GDAP2: variants seen among roughly 807,000 people sequenced by gnomAD.
GDAP2 encodes the protein ganglioside-induced differentiation-associated protein 2.
In GDAP2, 51 loss-of-function variants were observed where a neutral mutation model predicts 67.0. That is an observed-to-expected ratio of 0.76 (90% confidence interval 0.61 to 0.96). The LOEUF (loss-of-function observed/expected upper bound fraction) is 0.96. GDAP2 is among the 40% of genes least tolerant of loss of function. GDAP2 has a pLI of 0.00. For synonymous variants in GDAP2, 203 were observed against 207.3 expected, an observed-to-expected ratio of 0.98 and a Z score of 0.18; for missense variants, 547 against 588.3, an observed-to-expected ratio of 0.93 and a Z score of 0.73.
intron 1 of GDAP2, among the ~76,000 whole-genome samples, chr1:117,927,924 A>G (rs1019790997): frequency 5.3e-5 from 8 of 152,234 alleles, no homozygotes; most frequent in Admixed American, 5.2e-4. Flanking sequence ...AAACTTAAAT[A>G]AGGAAGTAGA....
At position 117,899,088 on chromosome 1, in the gene GDAP2, A is replaced by G; in HGVS notation, c.765T>C (p.Ile255=). ...GAGCACCAGGTTTCTCACTTATTCT[A>G]ATCTGTCGTTCAGGTACCACAGGCT... ...EGEPVVPERQ[I]RISEKPGAPE... The change falls in exon 7 of 14, where the codon ATT becomes ATC. Residue 255 remains isoleucine (I), a synonymous_variant. Transcript: ENST00000369443. The G allele has an allele frequency of 2.5e-6, 4 of 1,613,524 alleles. No individual in the cohort carries two copies. Among genetic ancestry groups the G allele is most frequent in the Non-Finnish European group, 3.4e-6 (4 of 1,179,548 alleles).
Position 117,887,746 on chromosome 1 carries a change from A to C in GDAP2, c.982T>G (p.Ser328Ala), listed in dbSNP as rs999706690. The change falls in exon 9 of 14, where the codon TCT (serine) becomes GCT (alanine). Residue 328 changes from serine to alanine, a missense_variant. Physicochemically the swap from Ser to Ala is moderately conservative, Grantham distance 99 (BLOSUM62 1). Coordinates refer to ENST00000369443, the MANE Select transcript of GDAP2 (RefSeq NM_017686.4). ...NYNRWLCQAR[S>A]EDLSDIASLK... The stretch of plus-strand genomic sequence containing the variant: ...GAAGCAATATCAGACAGATCCTCAG[A>C]TCTTGCTTGACATAACCAGCGATTA... 2.9e-5 allele frequency: 45 copies of C among 1,577,860 alleles called. No homozygotes were observed. Among genetic ancestry groups the C allele is most frequent in the Non-Finnish European group, 3.8e-5 (44 of 1,147,750 alleles).
Position 117,869,467 on chromosome 1 carries a change from C to T in GDAP2, c.*1102G>A, listed in dbSNP as rs1388524464. 3 of 152,648 alleles carry T rather than the reference C, an allele frequency of 2.0e-5. No homozygotes were observed. Among genetic ancestry groups the T allele is most frequent in the Non-Finnish European group, 2.9e-5 (2 of 68,008 alleles). 9.5% of individuals were successfully genotyped at this position (152,648 alleles called of 1,614,324 possible). Reference sequence around the variant, plus strand: ...TAGCATTCCCTCATATATATTTATTCCCATTTAAAAACTAACTGAAGATAC... The same window carrying T: ...TAGCATTCCCTCATATATATTTATTTCCATTTAAAAACTAACTGAAGATAC... On this transcript the variant is annotated 3_prime_UTR_variant, in exon 14 of 14. Coordinates refer to ENST00000369443, the MANE Select transcript of GDAP2 (RefSeq NM_017686.4).
In GDAP2 at chr1:117,896,932, T is replaced by G; in HGVS notation, c.854A>C (p.His285Pro). Residue 285 changes from histidine to proline, a missense_variant, in exon 8 of 14, where the codon CAT becomes CCT. Transcript: ENST00000369443. ...ATCTCCTTCCATTCGAGCAAAAGCA[T>G]GAGAGCCAATGAAAGAGAGATCAAC... ...LGVDLSFIGSHAFARMEGDID... is the reference protein window; with the variant it reads ...LGVDLSFIGSPAFARMEGDID... 6.2e-7 allele frequency: 1 copy of G among 1,612,302 alleles called. No individual in the cohort carries two copies. The highest frequency in any genetic ancestry group is 8.5e-7 in the Non-Finnish European group (1 of 1,178,542).
In GDAP2 at chr1:117,911,987, TA is replaced by T. The variant is rs751098827; in HGVS notation, c.559+6del. 1 of 1,477,344 alleles carries T rather than the reference TA, an allele frequency of 6.8e-7. No individual in the cohort carries two copies. The highest frequency in any genetic ancestry group is 2.3e-5 in the East Asian group (1 of 44,188). 91.5% of individuals were successfully genotyped at this position (1,477,344 alleles called of 1,614,324 possible). The stretch of plus-strand genomic sequence containing the variant: ...AATTCATGTACAGCATCTCTGATAT[TA>T]CTTACGAAGTGCTATGTGTGTTGCA... On this transcript the variant is annotated splice_donor_region_variant and intron_variant, in intron 5 of 13. Transcript: ENST00000369443.
At chr1:117,913,374 T>TC (rs1178528259) in intron 3 of GDAP2, 1 of 149,662 alleles carries the variant, frequency 6.7e-6, no homozygotes, top group East Asian at 2.0e-4. Flanking sequence ...CAACAACCCC[T>TC]CCCCCAGCCA....
chr1:117,916,186 T>C (rs1055308845), intron 3 of GDAP2, among the ~76,000 whole-genome samples: 1 of 152,160 alleles, frequency 6.6e-6, no homozygotes, highest in African/African-American at 2.4e-5. Context: ...ATACTATGGG[T>C]GGTCTGATCT....
chr1:117,898,029 A>G (rs185861279), intron 7 of GDAP2, among the ~76,000 whole-genome samples: 1 of 152,306 alleles, frequency 6.6e-6, no homozygotes, highest in East Asian at 1.9e-4. Flanking sequence ...ATCTATCACA[A>G]AAAGTATTTT....
intron 3 of GDAP2, among the ~76,000 whole-genome samples, chr1:117,917,036 G>GA (rs771487535): frequency 2.1e-3 from 265 of 124,804 alleles, no homozygotes; most frequent in Middle Eastern, 8.2e-3. Context: ...TCTGTCTCAG[G>GA]AAAAAAAAAA....
intron 10 of GDAP2, among the ~76,000 whole-genome samples, chr1:117,883,875 G>A (rs1648755559): frequency 6.6e-6 from 1 of 152,112 alleles, no homozygotes. Flanking sequence ...CTTATTCTAA[G>A]TGATAGAGGA....
At chr1:117,904,741 C>G (rs1293750711) in intron 6 of GDAP2, among the ~76,000 whole-genome samples, 1 of 152,156 alleles carries the variant, frequency 6.6e-6, no homozygotes, top group East Asian at 1.9e-4. Flanking sequence ...CGCCAACTCC[C>G]TGAGAGCAAG....
At chr1:117,902,548 G>C (rs76655318) in intron 6 of GDAP2, among the ~76,000 whole-genome samples, 1 of 152,112 alleles carries the variant, frequency 6.6e-6, no homozygotes, top group Non-Finnish European at 1.5e-5. Context: ...AATACTATTC[G>C]TTGAAAAGGC....
At chr1:117,925,161 AT>A (rs1650400742) in intron 1 of GDAP2, among the ~76,000 whole-genome samples, 1 of 152,198 alleles carries the variant, frequency 6.6e-6, no homozygotes, top group Non-Finnish European at 1.5e-5. Context: ...CATTTGAAAA[AT>A]ACCAAATCGG....
chr1:117,886,050 C>A (rs1332649224), intron 10 of GDAP2, among the ~76,000 whole-genome samples: 1 of 152,096 alleles, frequency 6.6e-6, no homozygotes, highest in Non-Finnish European at 1.5e-5. Context: ...TAAGGCATCT[C>A]ATTTTAATTC....
intron 2 of GDAP2, among the ~76,000 whole-genome samples, chr1:117,919,791 G>T (rs375377790): frequency 2.2e-4 from 34 of 151,488 alleles, no homozygotes; most frequent in African/African-American, 8.2e-4. Context: ...GCTGAAAACA[G>T]ACCAAAAAGC....
At chr1:117,924,202 G>A (rs1410359718) in intron 1 of GDAP2, among the ~76,000 whole-genome samples, 4 of 152,090 alleles carry the variant, frequency 2.6e-5, no homozygotes, top group African/African-American at 4.8e-5. Flanking sequence ...ATGTCACAGG[G>A]GTCTGGTGTA....
chr1:117,906,544 T>G lies in GDAP2; in HGVS notation c.598A>C (p.Ile200Leu). The part of the protein sequence containing the change: ...RRFLEIHGET[I>L]EKVVFAVSDL... ...GAGACAGCAAATACTACTTTTTCAA[T>G]GGTTTCCCCATGAATCTCTAGGAAT... The change falls in exon 6 of 14, where the codon ATT becomes CTT. Residue 200 changes from isoleucine (I) to leucine (L), a missense_variant. Transcript: ENST00000369443. 6.3e-7 allele frequency: 1 copy of G among 1,580,972 alleles called. No homozygotes were observed. Among genetic ancestry groups the G allele is most frequent in the Non-Finnish European group, 8.7e-7 (1 of 1,152,464 alleles).
chr1:117,914,337 A>C (rs1649972041), intron 3 of GDAP2, among the ~76,000 whole-genome samples: 1 of 152,238 alleles, frequency 6.6e-6, no homozygotes, highest in African/African-American at 2.4e-5. Context: ...GCCAAGTGAA[A>C]AATATGACAG....
chr1:117,871,535 T>C (rs1648289239), intron 13 of GDAP2, among the ~76,000 whole-genome samples: 1 of 152,226 alleles, frequency 6.6e-6, no homozygotes, highest in South Asian at 2.1e-4. Context: ...CATTTCTTCA[T>C]GGTACATTTA....
Sources: allele counts gnomAD v4.1 joint callset (sites outside exome capture counted in the v4.1 genomes callset), GRCh38; gene constraint gnomAD v4.1.1; transcripts MANE v1.5; gene names NCBI Gene and HGNC (gene_info 2026-07-23, HGNC 2026-07-21).